Variants in STK24 observed in about 807,000 individuals in gnomAD.
STK24 encodes serine/threonine-protein kinase 24.
In STK24, 21 loss-of-function variants were observed where a neutral mutation model predicts 55.6. The ratio of observed to expected loss-of-function variants is 0.38; its 90% CI spans 0.27 to 0.54. The LOEUF is 0.54. STK24 is among the 20% of genes least tolerant of loss of function. The pLI is 0.79. For missense variants in STK24, 383 were observed against 538.4 expected (o/e 0.71, Z 2.86); for synonymous variants, 200 against 215.2 (o/e 0.93, Z 0.62).
intron 5 of STK24, among the ~76,000 whole-genome samples, chr13:98,469,434 A>G (rs1894051428): frequency 6.6e-6 from 1 of 152,128 alleles, no homozygotes; most frequent in African/African-American, 2.4e-5. Flanking sequence ...CTGTAGTTCC[A>G]GCTACTTGGG....
chr13:98,472,811 A>T (rs1483989041), intron 5 of STK24, among the ~76,000 whole-genome samples: 2 of 152,180 alleles, frequency 1.3e-5, no homozygotes, highest in African/African-American at 2.4e-5. Flanking sequence ...TTAAATCTTT[A>T]AACATTCTTC....
chr13:98,480,473 T>C (rs1410029494), intron 3 of STK24, among the ~76,000 whole-genome samples: 2 of 152,226 alleles, frequency 1.3e-5, no homozygotes, highest in Admixed American at 6.5e-5. Flanking sequence ...AAGCTCTTTA[T>C]GTGTACATTT....
At chr13:98,569,852 G>GAAA (rs56223563) in intron 1 of STK24, among the ~76,000 whole-genome samples, 4 of 136,680 alleles carry the variant, frequency 2.9e-5, no homozygotes, top group African/African-American at 1.1e-4. Context: ...CTGAAACCAG[G>GAAA]AAAAAAAAAA....
chr13:98,465,431 A>G (rs7988345), intron 6 of STK24, among the ~76,000 whole-genome samples: 38,587 of 152,168 alleles, frequency 0.25, 5,041 homozygotes, highest in Non-Finnish European at 0.3. Context: ...ATGCCTGCAC[A>G]CATCTCCACT....
At chr13:98,491,288 G>T (rs898752442) in intron 2 of STK24, among the ~76,000 whole-genome samples, 1 of 152,178 alleles carries the variant, frequency 6.6e-6, no homozygotes, top group African/African-American at 2.4e-5. Context: ...TTAGGTATGA[G>T]CATGGGGTAG....
intron 2 of STK24, among the ~76,000 whole-genome samples, chr13:98,497,019 C>G (rs1296159563): frequency 6.6e-6 from 1 of 152,170 alleles, no homozygotes; most frequent in Non-Finnish European, 1.5e-5. Flanking sequence ...TGTTGGGACC[C>G]GCATTTCTAG....
In STK24 at chr13:98,519,405, C is replaced by G; in HGVS notation, c.111G>C (p.Glu37Asp). 1 of 1,614,228 alleles carries G rather than the reference C, an allele frequency of 6.2e-7. No individual in the cohort carries two copies. Among genetic ancestry groups the G allele is most frequent in the Non-Finnish European group, 8.5e-7 (1 of 1,180,048 alleles). ...LEKIGKGSFG[E>D]VFKGIDNRTQ... is the part of the protein sequence containing the mutation. ...TCCGATTGTCAATGCCTTTGAACAC[C>G]TCTCCAAAGGAGCCCTTCCCAATTT... is the stretch of plus-strand genomic sequence containing the variant. Residue 37 changes from glutamate (E) to aspartate (D), a missense_variant, in exon 2 of 11, where the codon GAG becomes GAC. Glu to Asp is a conservative substitution (Grantham distance 45). Coordinates refer to ENST00000539966, the MANE Select transcript of STK24 (RefSeq NM_001032296.4).
Position 98,449,776 on chromosome 13 carries a change from T to TTGTC in STK24, c.*3393_*3396dup, listed in dbSNP as rs778538665. ...ATGTTTTAAGGCAAAACAACCAACTTTGTCTGTAGTCTTCATTTTCTGTGT... is the reference window on the plus strand; with the variant it reads ...ATGTTTTAAGGCAAAACAACCAACTTTGTCTGTCTGTAGTCTTCATTTTCTGTGT... On this transcript the variant is annotated 3_prime_UTR_variant, in exon 11 of 11. Coordinates refer to ENST00000539966, the MANE Select transcript of STK24 (RefSeq NM_001032296.4). 1.3e-5 allele frequency: 2 copies of TTGTC among 151,456 alleles called. No homozygotes were observed. Among genetic ancestry groups the TTGTC allele is most frequent in the Non-Finnish European group, 3.0e-5 (2 of 67,776 alleles). 9.4% of individuals were successfully genotyped at this position (151,456 alleles called of 1,614,324 possible).
At chr13:98,492,769 A>G (rs1036707987) in intron 2 of STK24, among the ~76,000 whole-genome samples, 5 of 152,220 alleles carry the variant, frequency 3.3e-5, no homozygotes, top group African/African-American at 1.2e-4. Flanking sequence ...ACTCCACTGG[A>G]TTCTCCCAAT....
chr13:98,512,211 T>C (rs886578224), intron 2 of STK24, among the ~76,000 whole-genome samples: 8 of 152,278 alleles, frequency 5.3e-5, no homozygotes, highest in African/African-American at 1.7e-4. Flanking sequence ...TTTTTAAAAA[T>C]GTTATGGGGA....
At chr13:98,461,942 G>A (rs200724928) in intron 7 of STK24, 45 bp from the exon 8 acceptor site, 595 of 1,605,264 alleles carry the variant, frequency 3.7e-4, no homozygotes, top group Admixed American at 6.2e-4. Flanking sequence ...TCGCACACCT[G>A]CTCTGGGGGC....
rs1893104699 is a variant in STK24, at chr13:98,449,884, C to G, written c.*3289G>C. The stretch of plus-strand genomic sequence containing the variant: ...GAGTGACACAGGGAGGGCCTGCCCC[C>G]CACTGTTCCCTATGCTCCCCCCACC... On this transcript the variant is annotated 3_prime_UTR_variant, in exon 11 of 11. Coordinates refer to ENST00000539966, the MANE Select transcript of STK24 (RefSeq NM_001032296.4). The G allele has an allele frequency of 6.6e-6, 1 of 152,326 alleles. No individual in the cohort carries two copies. Among genetic ancestry groups the G allele is most frequent in the Non-Finnish European group, 1.5e-5 (1 of 68,098 alleles). 9.4% of individuals were successfully genotyped at this position (152,326 alleles called of 1,614,324 possible).
chr13:98,534,744 C>T (rs1468899541), intron 1 of STK24, among the ~76,000 whole-genome samples: 2 of 152,148 alleles, frequency 1.3e-5, no homozygotes, highest in East Asian at 3.8e-4. Flanking sequence ...AGCAAAAAAC[C>T]CACTTCAATC....
At chr13:98,505,415 G>A (rs566685357) in intron 2 of STK24, among the ~76,000 whole-genome samples, 1 of 152,198 alleles carries the variant, frequency 6.6e-6, no homozygotes, top group Non-Finnish European at 1.5e-5. Flanking sequence ...ACCAGCCTTG[G>A]CTGGAAGCCA....
chr13:98,542,809 T>C (rs1294460038), intron 1 of STK24: 1 of 983,120 alleles, frequency 1.0e-6, no homozygotes, highest in African/African-American at 1.8e-5. Flanking sequence ...TTACTCTACT[T>C]TCTCCATCTA....
intron 2 of STK24, 129 bp downstream of exon 2, chr13:98,519,114 A>C: frequency 1.4e-6 from 1 of 701,232 alleles, no homozygotes; most frequent in Non-Finnish European, 2.4e-6. Context: ...TCTTTTGATC[A>C]CGAAGGTCAA....
At chr13:98,520,594 G>A (rs542714190) in intron 1 of STK24, among the ~76,000 whole-genome samples, 183 of 152,348 alleles carry the variant, frequency 1.2e-3, no homozygotes, top group African/African-American at 4.3e-3. Context: ...AGGGTATCCA[G>A]AGTGGTGCAT....
At chr13:98,537,143 AC>A (rs1284125296) in intron 1 of STK24, among the ~76,000 whole-genome samples, 1 of 151,990 alleles carries the variant, frequency 6.6e-6, no homozygotes, top group Non-Finnish European at 1.5e-5. Context: ...CTACACTGTG[AC>A]CCCCTCAAGA....
intron 1 of STK24, among the ~76,000 whole-genome samples, chr13:98,554,507 TCCAAAATCCCTTTCCCCATTAAAC>T (rs1897237843): frequency 6.6e-6 from 1 of 152,066 alleles, no homozygotes; most frequent in East Asian, 1.9e-4. Context: ...TAGATAAAAC[TCCAAAATCCCTTTCCCCATTAAAC>T]CTGGCATTTT....
Sources: allele counts gnomAD v4.1 joint callset (sites outside exome capture counted in the v4.1 genomes callset), GRCh38; gene constraint gnomAD v4.1.1; transcripts MANE v1.5; gene names NCBI Gene and HGNC (gene_info 2026-07-23, HGNC 2026-07-21).